ABCA9: variants seen among roughly 807,000 people sequenced by gnomAD.
The protein encoded by ABCA9 is ATP-binding cassette sub-family A member 9.
Under a neutral mutation model 205.3 loss-of-function variants are expected in ABCA9, and 183 were observed. The ratio of observed to expected loss-of-function variants is 0.89; its 90% confidence interval spans 0.79 to 1.01. ABCA9 has a LOEUF of 1.01. Among genes scored for constraint, ABCA9 ranks in the 50% least tolerant of loss-of-function variants. The pLI, the probability that ABCA9 is intolerant of heterozygous loss-of-function variation, is 0.00. For missense variants in ABCA9, 1,805 were observed against 1,912.4 expected, an observed-to-expected ratio of 0.94 and a Z score of 1.05; for synonymous variants, 651 against 683.3, an observed-to-expected ratio of 0.95 and a Z score of 0.74.
At chr17:68,993,201 C>CATCAGG in intron 26 of ABCA9, 117 bp from the exon 27 acceptor site, 1 of 775,948 alleles carries the variant, frequency 1.3e-6, no homozygotes, top group Non-Finnish European at 2.1e-6. Flanking sequence ...CGACCTGATG[C>CATCAGG]TCCCTTGGGT....
intron 1 of ABCA9, among the ~76,000 whole-genome samples, chr17:69,059,768 A>C (rs2072179885): frequency 6.6e-6 from 1 of 152,004 alleles, no homozygotes; most frequent in Admixed American, 6.6e-5. Flanking sequence ...ACAGGAAGAC[A>C]TTGCTGGACA....
chr17:69,062,510 T>A (rs1260413457), upstream of ABCA9, among the ~76,000 whole-genome samples: 1 of 151,824 alleles, frequency 6.6e-6, no homozygotes, highest in Non-Finnish European at 1.5e-5. Flanking sequence ...TAATATTTAT[T>A]TATTTATTTA....
chr17:68,979,268 TC>T (rs1302277617), intron 37 of ABCA9, among the ~76,000 whole-genome samples: 5 of 151,754 alleles, frequency 3.3e-5, no homozygotes, highest in Non-Finnish European at 5.9e-5. Flanking sequence ...AAACCACTGC[TC>T]AAGGAAATAA....
At chr17:69,055,600 G>T (rs535819776) in intron 1 of ABCA9, among the ~76,000 whole-genome samples, 24 of 152,292 alleles carry the variant, frequency 1.6e-4, no homozygotes, top group Middle Eastern at 3.4e-3. Context: ...GAAATGGACA[G>T]ATCCAGCAGG....
In ABCA9 at chr17:69,000,140, A is replaced by G. The variant is rs867179583; in HGVS notation, c.3436-4126T>C. On this transcript the variant is annotated intron_variant, in intron 25 of 38. Coordinates refer to ENST00000340001, the MANE Select transcript of ABCA9 (RefSeq NM_080283.4). ...AAGCTCTTTAGTTTAATTAGATCCC[A>G]TTTGTCAATTTTGGCTTTGGTTGCC... Among the ~76,000 whole-genome samples the G allele has an allele frequency of 1.6e-3, 242 of 151,562 alleles. 2 individuals carry two copies. The highest frequency in any genetic ancestry group is 2.9e-3 in the Non-Finnish European group (199 of 67,790).
chr17:68,994,397 G>A (rs1258189187), intron 26 of ABCA9, among the ~76,000 whole-genome samples: 1 of 152,072 alleles, frequency 6.6e-6, no homozygotes, highest in Non-Finnish European at 1.5e-5. Context: ...TGCCTGCCAA[G>A]TGTCCAACCC....
At chr17:68,995,865 T>C in intron 26 of ABCA9, 30 bp downstream of exon 26, 1 of 1,611,290 alleles carries the variant, frequency 6.2e-7, no homozygotes, top group Non-Finnish European at 8.5e-7. Context: ...ACACATTTCA[T>C]GACCCTCAGA....
At chr17:69,015,662 C>A (rs375303682) in intron 22 of ABCA9, among the ~76,000 whole-genome samples, 1 of 152,140 alleles carries the variant, frequency 6.6e-6, no homozygotes, top group African/African-American at 2.4e-5. Context: ...CCTCATCACT[C>A]GTTCCTACAA....
chr17:69,063,588 TTTTTG>T (rs1178837633), upstream of ABCA9, among the ~76,000 whole-genome samples: 36 of 140,360 alleles, frequency 2.6e-4, no homozygotes, highest in Non-Finnish European at 4.5e-4. Context: ...TTCTCTTTGT[TTTTTG>T]TTTTGTTTTG....
intron 36 of ABCA9, among the ~76,000 whole-genome samples, chr17:68,983,330 A>G (rs1006959496): frequency 1.3e-5 from 2 of 152,214 alleles, no homozygotes; most frequent in Admixed American, 6.5e-5. Context: ...AGAAATGTTA[A>G]GAGACACCAT....
intron 1 of ABCA9, among the ~76,000 whole-genome samples, chr17:69,054,684 A>G (rs2072012965): frequency 6.6e-6 from 1 of 151,984 alleles, no homozygotes; most frequent in Non-Finnish European, 1.5e-5. Context: ...AATTGTGTAT[A>G]CTTATGTTTA....
chr17:68,974,752 G>T lies in ABCA9; in HGVS notation c.*1163C>A. On this transcript the variant is annotated 3_prime_UTR_variant, in exon 39 of 39. Coordinates refer to ENST00000340001, the MANE Select transcript of ABCA9 (RefSeq NM_080283.4). ...GTTTTAATTATTTGCATAAGAGTAT[G>T]CCCTTGCATCATAAGAAAACATATA... The T allele has an allele frequency of 6.6e-6, 1 of 152,110 alleles. No homozygotes were observed. Among genetic ancestry groups the T allele is most frequent in the African/African-American group, 2.4e-5 (1 of 41,408 alleles). 9.4% of individuals were successfully genotyped at this position (152,110 alleles called of 1,614,324 possible).
At chr17:69,007,381 A>G (rs1018542204) in intron 25 of ABCA9, among the ~76,000 whole-genome samples, 17 of 152,190 alleles carry the variant, frequency 1.1e-4, no homozygotes, top group African/African-American at 2.4e-5. Context: ...AGCCTGGGCG[A>G]CAGAGCGAGA....
rs761637364 is a variant in ABCA9 at position 68,984,916 on chromosome 17, C to T, written c.4348G>A (p.Gly1450Arg). 32 of 1,614,030 alleles carry T rather than the reference C, an allele frequency of 2.0e-5. No individual in the cohort carries two copies. The highest frequency in any genetic ancestry group is 1.8e-4 in the South Asian group (16 of 91,084). ...TGCTGCTGCCCCTCGGGGTCCATCC[C>T]GGTCGACGGCTCATCCAGAAGCACC... ...SVVLLDEPST[G>R]MDPEGQQQMW... Residue 1450 changes from glycine to arginine, a missense_variant, in exon 34 of 39, where the codon GGG (glycine) becomes AGG (arginine). Gly to Arg is a moderately radical substitution (Grantham distance 125). Transcript: ENST00000340001.
rs540764864 is a variant in ABCA9, at chr17:68,998,016, A to T, written c.3436-2002T>A. 1.8e-4 allele frequency among the ~76,000 whole-genome samples: 28 copies of T among 152,298 alleles called. No individual in the cohort carries two copies. The South Asian group carries it at 5.8e-3, about 32-fold the overall frequency. On this transcript the variant is annotated intron_variant, in intron 25 of 38. Transcript: ENST00000340001. Reference sequence around the variant, plus strand: ...ATAGTTTCGCCTTTTCCAGAATGTCATTTAGTTGTAATCATACAGTGTGTA... The same window carrying T: ...ATAGTTTCGCCTTTTCCAGAATGTCTTTTAGTTGTAATCATACAGTGTGTA...
intron 21 of ABCA9, 136 bp downstream of exon 21, chr17:69,017,520 C>T (rs1472463722): frequency 1.1e-5 from 10 of 921,758 alleles, no homozygotes; most frequent in Admixed American, 2.5e-5. Context: ...AATTGTAGTC[C>T]AGCTTCTTCT....
chr17:68,987,474 T>C (rs2069274643), intron 31 of ABCA9, among the ~76,000 whole-genome samples: 1 of 152,148 alleles, frequency 6.6e-6, no homozygotes. Flanking sequence ...GCTGACAGTG[T>C]AGTTAGGAAA....
chr17:69,017,903 T>G, intron 20 of ABCA9, 114 bp from the exon 21 acceptor site: 2 of 1,206,468 alleles, frequency 1.7e-6, no homozygotes, highest in Non-Finnish European at 2.3e-6. Context: ...TGTCTAAGGC[T>G]TTTCTTAAAA....
chr17:68,979,977 T>TA (rs1449650354), intron 37 of ABCA9, among the ~76,000 whole-genome samples: 3 of 152,054 alleles, frequency 2.0e-5, no homozygotes, highest in Admixed American at 2.0e-4. Context: ...CAAAAGAAAC[T>TA]ACCATCAGAG....
Sources: allele counts gnomAD v4.1 joint callset (sites outside exome capture counted in the v4.1 genomes callset), GRCh38; gene constraint gnomAD v4.1.1; transcripts MANE v1.5; gene names NCBI Gene and HGNC (gene_info 2026-07-23, HGNC 2026-07-21).